Variants in NECAP2 observed in about 807,000 individuals in gnomAD.
NECAP2 encodes NECAP endocytosis associated 2.
A neutral mutation model predicts 37.8 loss-of-function variants in NECAP2; 38 were observed. The ratio of observed to expected loss-of-function variants is 1.01; its 90% CI spans 0.78 to 1.32. NECAP2 has a LOEUF of 1.32. Ranked by LOEUF, NECAP2 falls within the 40% of genes most tolerant of loss-of-function variation. The probability of loss-of-function intolerance (pLI) is 0.00; values close to 1 mark genes in which losing one functional copy is unlikely to be tolerated. For missense variants in NECAP2, 316 were observed against 334.5 expected (o/e 0.94, Z 0.43); for synonymous variants, 121 against 127.7 (o/e 0.95, Z 0.35).
At chr1:16,455,767 TTC>T in intron 6 of NECAP2, 49 bp from the exon 7 acceptor site, 1 of 1,461,216 alleles carries the variant, frequency 6.8e-7, no homozygotes, top group Non-Finnish European at 9.6e-7. Context: ...GGTCTCTGAC[TTC>T]TCTGTCCCCT....
At chr1:16,456,747 G>A (rs1180927764) in intron 7 of NECAP2, among the ~76,000 whole-genome samples, 1 of 152,096 alleles carries the variant, frequency 6.6e-6, no homozygotes, top group Non-Finnish European at 1.5e-5. Context: ...TTCTTTTCAT[G>A]TTTTGAGACA....
At chr1:16,455,792 C>T (rs373685257) in intron 6 of NECAP2, 26 bp from the exon 7 acceptor site, 44 of 1,595,444 alleles carry the variant, frequency 2.8e-5, no homozygotes, top group Middle Eastern at 1.7e-4. Flanking sequence ...TCTCTTCCTA[C>T]GGGTCGGACT....
chr1:16,459,555 C>G lies in NECAP2; in HGVS notation c.*665C>G, dbSNP rs1366772598. ...CTGGGGCCTCTGAAGGGATTCCTCA[C>G]TGTGGGCAGCTGCCCTGAGCTTCAG... On this transcript the variant is annotated 3_prime_UTR_variant, in exon 8 of 8. Transcript: ENST00000337132. 3 of 152,356 alleles carry G rather than the reference C, an allele frequency of 2.0e-5. No homozygotes were observed. Among genetic ancestry groups the G allele is most frequent in the Non-Finnish European group, 4.4e-5 (3 of 68,120 alleles). 9.4% of individuals were successfully genotyped at this position (152,356 alleles called of 1,614,324 possible).
chr1:16,458,093 T>C (rs1253963610), intron 7 of NECAP2, among the ~76,000 whole-genome samples: 1 of 152,192 alleles, frequency 6.6e-6, no homozygotes, highest in Non-Finnish European at 1.5e-5. Flanking sequence ...ACATCGTTCT[T>C]GAACAGTTTT....
In NECAP2 at chr1:16,458,957, G is replaced by C. The variant is rs948887443; in HGVS notation, c.*67G>C. 6.2e-7 allele frequency: 1 copy of C among 1,613,628 alleles called. No individual in the cohort carries two copies. Among genetic ancestry groups the C allele is most frequent in the Non-Finnish European group, 8.5e-7 (1 of 1,179,808 alleles). ...TCCCTCATCTGGGCCAAAGGAAGGA[G>C]GACGAAGCCCTCCTCAGCTGGCCTG... On this transcript the variant is annotated 3_prime_UTR_variant, in exon 8 of 8. Transcript: ENST00000337132.
rs1310247451 is a variant in NECAP2 at position 16,459,092 on chromosome 1, T to C, written c.*202T>C. 8.1e-7 allele frequency: 1 copy of C among 1,237,792 alleles called. No homozygotes were observed. The highest frequency in any genetic ancestry group is 2.6e-5 in the East Asian group (1 of 39,080). 76.7% of individuals were successfully genotyped at this position (1,237,792 alleles called of 1,614,324 possible). A position where few individuals can be genotyped will look rare whatever the true frequency, so the allele number is the denominator to read the frequency against. On this transcript the variant is annotated 3_prime_UTR_variant, in exon 8 of 8. Coordinates refer to ENST00000337132, the MANE Select transcript of NECAP2 (RefSeq NM_018090.5). ...CACACTGTTTCCTGGGATTCAAGTA[T>C]GCAACCAGAACACAGGAGAAGAAAA...
chr1:16,445,043 C>T (rs1407409376), intron 2 of NECAP2, among the ~76,000 whole-genome samples: 1 of 152,172 alleles, frequency 6.6e-6, no homozygotes, highest in East Asian at 1.9e-4. Flanking sequence ...CCAGGCTGTT[C>T]TTGAACTCCT....
At chr1:16,447,074 A>T (rs1032416408) in intron 2 of NECAP2, among the ~76,000 whole-genome samples, 2 of 151,790 alleles carry the variant, frequency 1.3e-5, no homozygotes, top group Non-Finnish European at 2.9e-5. Flanking sequence ...AAAAAAAAAA[A>T]AAAAGGTATA....
chr1:16,451,920 C>T lies in NECAP2; in HGVS notation c.572C>T (p.Pro191Leu). ...GGAGGGCTGAGCCTGCTTCCCCCTC[C>T]CCCAGGGGGGAAAACCTCCACCCTG... ...STGGLSLLPP[P>L]PGGKTSTLIP... Residue 191 changes from proline (P) to leucine (L), a missense_variant, in exon 6 of 8, where the codon CCC becomes CTC. This residue lies in a region of NECAP2 where 204 missense variants were observed against 188.6 expected (regional missense o/e 1.08). Coordinates refer to ENST00000337132, the MANE Select transcript of NECAP2 (RefSeq NM_018090.5). 6.2e-7 allele frequency: 1 copy of T among 1,613,986 alleles called. No individual in the cohort carries two copies. Among genetic ancestry groups the T allele is most frequent in the Non-Finnish European group, 8.5e-7 (1 of 1,179,874 alleles).
intron 7 of NECAP2, among the ~76,000 whole-genome samples, chr1:16,457,709 T>G (rs1399655147): frequency 4.6e-5 from 6 of 131,662 alleles, no homozygotes; most frequent in African/African-American, 1.7e-4. Flanking sequence ...GTAATTCTGT[T>G]TTTTTTTTTT....
In NECAP2 at chr1:16,455,892, G is replaced by T. The variant is rs2086910082; in HGVS notation, c.742G>T (p.Gly248Ter). 2.5e-6 allele frequency: 4 copies of T among 1,613,534 alleles called. No individual in the cohort carries two copies. The highest frequency in any genetic ancestry group is 3.4e-6 in the Non-Finnish European group (4 of 1,179,484). ...DIWGDFTKST[G>*]STSSQTQPGT... ...CTGGGGAGACTTTACCAAATCTACA[G>T]GGTAAGGAGGGCCATGTTCTGCGGA... The change falls in exon 7 of 8, where the codon GGA becomes TGA. Residue 248 changes from glycine (G) to a stop codon, truncating the protein, a stop_gained and splice_region_variant. Transcript: ENST00000337132. LOFTEE classifies it high-confidence loss of function.
chr1:16,453,648 C>G (rs1321757178), intron 6 of NECAP2, among the ~76,000 whole-genome samples: 5 of 152,000 alleles, frequency 3.3e-5, no homozygotes, highest in Non-Finnish European at 7.4e-5. Context: ...ACCACCACGC[C>G]CAGCTAAGTT....
Position 16,440,786 on chromosome 1 carries a change from G to T in NECAP2, c.25G>T (p.Val9Leu), listed in dbSNP as rs1481630420. 4.3e-6 allele frequency: 7 copies of T among 1,614,188 alleles called. No individual in the cohort carries two copies. The highest frequency in any genetic ancestry group is 5.9e-6 in the Non-Finnish European group (7 of 1,180,016). MEESGYES[V>L]LCVKPDVHVY... ...GATGGAGGAGAGCGGGTACGAGTCG[G>T]TGCTCTGTGTCAAGCCTGACGTCCA... The change falls in exon 1 of 8, where the codon GTG becomes TTG. Residue 9 changes from valine (V) to leucine (L), a missense_variant. By Grantham distance (32) the Val-to-Leu change is conservative. Coordinates refer to ENST00000337132, the MANE Select transcript of NECAP2 (RefSeq NM_018090.5).
rs77249943 is a variant in NECAP2 at position 16,458,659 on chromosome 1, T to TA, written c.744-171dup. Among the ~76,000 whole-genome samples the TA allele has an allele frequency of 4.7e-3, 680 of 144,950 alleles. 4 individuals are homozygous for TA. Among genetic ancestry groups the TA allele is most frequent in the African/African-American group, 0.012 (492 of 39,730 alleles). ...GGTAAATACAGTTACATTAACTATT[T>TA]AAAAAAAAAAAACCATCGAGGGCCA... On this transcript the variant is annotated intron_variant, in intron 7 of 7. Transcript: ENST00000337132.
chr1:16,457,724 T>TG (rs1178992728), intron 7 of NECAP2, among the ~76,000 whole-genome samples: 1 of 150,392 alleles, frequency 6.6e-6, no homozygotes, highest in East Asian at 1.9e-4. Flanking sequence ...TTTTTTTTTT[T>TG]TTTTTGAGAC....
intron 6 of NECAP2, among the ~76,000 whole-genome samples, chr1:16,454,962 A>C (rs1359307369): frequency 6.6e-6 from 1 of 152,176 alleles, no homozygotes; most frequent in East Asian, 1.9e-4. Flanking sequence ...AGAGAATGGA[A>C]ACTGAAATGA....
Position 16,447,918 on chromosome 1 carries a change from T to C in NECAP2, c.242T>C (p.Val81Ala). Reference sequence around the variant, plus strand: ...GTGGATCAGTTTCCTGGCACAGCTGTGGAGAGTGTGACGGATTCCAGCAGG... The same window carrying C: ...GTGGATCAGTTTCCTGGCACAGCTGCGGAGAGTGTGACGGATTCCAGCAGG... Reference protein sequence around the residue: ...APVDQFPGTAVESVTDSSRYF... With the variant: ...APVDQFPGTAAESVTDSSRYF... Residue 81 changes from valine to alanine, a missense_variant, in exon 3 of 8, where the codon GTG (valine) becomes GCG (alanine). Around this residue, in one of 3 missense-constraint regions of NECAP2, gnomAD observed 81 missense variants for 124.2 expected, o/e 0.65. Coordinates refer to ENST00000337132, the MANE Select transcript of NECAP2 (RefSeq NM_018090.5). The C allele has an allele frequency of 6.2e-7, 1 of 1,614,056 alleles. No homozygotes were observed. Among genetic ancestry groups the C allele is most frequent in the Non-Finnish European group, 8.5e-7 (1 of 1,179,972 alleles).
intron 6 of NECAP2, among the ~76,000 whole-genome samples, chr1:16,453,131 A>C (rs1045401634): frequency 1.5e-5 from 2 of 135,662 alleles, no homozygotes; most frequent in Admixed American, 1.5e-4. Context: ...TTTGAAATGG[A>C]GTTTTTTTGC....
intron 7 of NECAP2, among the ~76,000 whole-genome samples, chr1:16,457,478 A>G (rs1260707490): frequency 6.6e-6 from 1 of 152,124 alleles, no homozygotes; most frequent in African/African-American, 2.4e-5. Context: ...AACAAAAAAA[A>G]CAGAGGCGTG....
Sources: allele counts gnomAD v4.1 joint callset (sites outside exome capture counted in the v4.1 genomes callset), GRCh38; gene constraint gnomAD v4.1.1; regional missense constraint gnomAD v4.1.1; transcripts MANE v1.5; gene names NCBI Gene and HGNC (gene_info 2026-07-23, HGNC 2026-07-21).